ZFPM2: variants seen among roughly 807,000 people sequenced by gnomAD.
ZFPM2 encodes zinc finger protein ZFPM2.
ZFPM2 carries 20 observed loss-of-function variants against 98.6 expected under a neutral mutation model. The observed-to-expected ratio is 0.20, with a 90% CI of 0.14 to 0.29. The LOEUF (loss-of-function observed/expected upper bound fraction) is 0.29, where lower values mean the gene tolerates loss of function less well. Among genes scored for constraint, ZFPM2 ranks in the 10% least tolerant of loss-of-function variants. The pLI, the probability that ZFPM2 is intolerant of heterozygous loss-of-function variation, is 1.00. For synonymous variants in ZFPM2, 518 were observed against 502.7 expected (o/e 1.03, Z -0.41); for missense variants, 1,310 against 1,388.6 (o/e 0.94, Z 0.90).
chr8:105,543,920 G>A (rs188206207), intron 3 of ZFPM2, among the ~76,000 whole-genome samples: 18 of 152,260 alleles, frequency 1.2e-4, no homozygotes, highest in African/African-American at 4.3e-4. Flanking sequence ...ACACATACAT[G>A]CACACGCATG....
intron 3 of ZFPM2, among the ~76,000 whole-genome samples, chr8:105,446,114 G>C (rs558954029): frequency 2.1e-4 from 32 of 152,108 alleles, no homozygotes; most frequent in Admixed American, 2.1e-3. Flanking sequence ...TAGAGACGGG[G>C]TTTCACCATA....
At chr8:105,777,193 T>G (rs1813123125) in intron 5 of ZFPM2, among the ~76,000 whole-genome samples, 2 of 152,336 alleles carry the variant, frequency 1.3e-5, no homozygotes, top group Middle Eastern at 3.4e-3. Flanking sequence ...AATTTTCCAG[T>G]TCTTAAGCAA....
chr8:105,653,761 A>T (rs1817226738), intron 5 of ZFPM2, among the ~76,000 whole-genome samples: 1 of 151,934 alleles, frequency 6.6e-6, no homozygotes, highest in African/African-American at 2.4e-5. Flanking sequence ...AGAGGCAAAT[A>T]GAAAACACAG....
chr8:105,368,620 A>C (rs1810556027), intron 1 of ZFPM2, among the ~76,000 whole-genome samples: 1 of 152,182 alleles, frequency 6.6e-6, no homozygotes, highest in African/African-American at 2.4e-5. Context: ...AATACTCAAG[A>C]ATATGGCAAG....
rs189230460 is a variant in ZFPM2, at chr8:105,462,751, T to G, written c.301+18370T>G. ...CCTTATTTTGTATACAGATTTTTTT[T>G]GTCTAAAATTTTGCTTCAACCTTGT... On this transcript the variant is annotated intron_variant, in intron 3 of 7. Coordinates refer to ENST00000407775, the MANE Select transcript of ZFPM2 (RefSeq NM_012082.4). Among the ~76,000 whole-genome samples the G allele has an allele frequency of 6.6e-5, 10 of 150,684 alleles. No homozygotes were observed. In the East Asian group the frequency reaches 1.8e-3, roughly 27 times the overall value.
intron 5 of ZFPM2, among the ~76,000 whole-genome samples, chr8:105,728,378 G>C (rs1811861504): frequency 6.6e-6 from 1 of 151,758 alleles, no homozygotes; most frequent in Non-Finnish European, 1.5e-5. Context: ...CTTGTCGAAA[G>C]TTAGCTCTAG....
chr8:105,735,885 G>A (rs1376995878), intron 5 of ZFPM2, among the ~76,000 whole-genome samples: 1 of 151,906 alleles, frequency 6.6e-6, no homozygotes, highest in East Asian at 1.9e-4. Flanking sequence ...ATTAAGCATA[G>A]TCAAGAGGAC....
intron 4 of ZFPM2, among the ~76,000 whole-genome samples, chr8:105,608,683 A>G (rs140187353): frequency 5.3e-4 from 80 of 150,472 alleles, no homozygotes; most frequent in African/African-American, 1.9e-3. Flanking sequence ...CATTTTAGAC[A>G]TGTTGAATTT....
chr8:105,669,214 C>G (rs1242117983), intron 5 of ZFPM2, among the ~76,000 whole-genome samples: 1 of 151,846 alleles, frequency 6.6e-6, no homozygotes, highest in African/African-American at 2.4e-5. Flanking sequence ...ATTGGACTCC[C>G]CATGGATATA....
At chr8:105,469,733 T>G (rs1028716739) in intron 3 of ZFPM2, among the ~76,000 whole-genome samples, 4 of 152,232 alleles carry the variant, frequency 2.6e-5, no homozygotes, top group African/African-American at 7.2e-5. Flanking sequence ...TTTAAAAATT[T>G]TACCTGTGTT....
intron 5 of ZFPM2, among the ~76,000 whole-genome samples, chr8:105,690,123 C>T (rs1810842990): frequency 6.6e-6 from 1 of 152,144 alleles, no homozygotes; most frequent in African/African-American, 2.4e-5. Flanking sequence ...ATGACATATA[C>T]CTCAATTAGG....
At chr8:105,451,284 C>T (rs1243849734) in intron 3 of ZFPM2, among the ~76,000 whole-genome samples, 3 of 152,088 alleles carry the variant, frequency 2.0e-5, no homozygotes, top group Non-Finnish European at 4.4e-5. Flanking sequence ...AAAATGGATA[C>T]AGTGTCAAAT....
intron 3 of ZFPM2, among the ~76,000 whole-genome samples, chr8:105,450,848 T>C (rs1249136289): frequency 6.6e-6 from 1 of 152,054 alleles, no homozygotes; most frequent in Non-Finnish European, 1.5e-5. Flanking sequence ...GTTAAGTGGA[T>C]ATCGGATTAA....
chr8:105,636,952 G>C (rs1349141639), intron 5 of ZFPM2, among the ~76,000 whole-genome samples: 1 of 152,104 alleles, frequency 6.6e-6, no homozygotes, highest in Non-Finnish European at 1.5e-5. Context: ...TACAAAGGTA[G>C]ATAAAAGACT....
At chr8:105,352,069 G>A (rs1812656655) in intron 1 of ZFPM2, among the ~76,000 whole-genome samples, 1 of 152,134 alleles carries the variant, frequency 6.6e-6, no homozygotes, top group Non-Finnish European at 1.5e-5. Flanking sequence ...AAATGAGAAA[G>A]CCACTAATTT....
intron 4 of ZFPM2, among the ~76,000 whole-genome samples, chr8:105,625,785 G>A (rs1182387934): frequency 6.6e-6 from 1 of 151,884 alleles, no homozygotes; most frequent in Admixed American, 6.6e-5. Flanking sequence ...GTTTCACCAT[G>A]TTGGCCAGGC....
chr8:105,433,221 T>C (rs1341489870), intron 2 of ZFPM2, among the ~76,000 whole-genome samples: 6 of 152,200 alleles, frequency 3.9e-5, no homozygotes, highest in Non-Finnish European at 8.8e-5. Flanking sequence ...CGATGAAAAG[T>C]TGTCTTATTT....
At chr8:105,668,099 T>C (rs1244961523) in intron 5 of ZFPM2, among the ~76,000 whole-genome samples, 1 of 152,190 alleles carries the variant, frequency 6.6e-6, no homozygotes, top group Non-Finnish European at 1.5e-5. Flanking sequence ...TTACAGGCTG[T>C]GTAGCTTGGG....
At chr8:105,513,995 C>T (rs536512794) in intron 3 of ZFPM2, among the ~76,000 whole-genome samples, 24 of 136,076 alleles carry the variant, frequency 1.8e-4, no homozygotes, top group African/African-American at 3.5e-4. Flanking sequence ...TTAGTAGGTC[C>T]GGAGTGTCTT....
Sources: allele counts gnomAD v4.1 joint callset (sites outside exome capture counted in the v4.1 genomes callset), GRCh38; gene constraint gnomAD v4.1.1; transcripts MANE v1.5; gene names NCBI Gene and HGNC (gene_info 2026-07-23, HGNC 2026-07-21).